BMS1: variants seen among roughly 807,000 people sequenced by gnomAD.
BMS1 encodes the protein BMS1 ribosome biogenesis factor.
A neutral mutation model predicts 138.7 loss-of-function variants in BMS1; 53 were observed. The ratio of observed to expected loss-of-function variants is 0.38; its 90% CI spans 0.31 to 0.48. BMS1 has a LOEUF of 0.48. Ranked by LOEUF, BMS1 falls within the 20% of genes least tolerant of loss-of-function variation. The probability of loss-of-function intolerance (pLI) is 0.97; values close to 1 mark genes in which losing one functional copy is unlikely to be tolerated. For missense variants in BMS1, 1,360 were observed against 1,565.5 expected, an observed-to-expected ratio of 0.87 and a Z score of 2.22; for synonymous variants, 504 against 539.9, an observed-to-expected ratio of 0.93 and a Z score of 0.92.
intron 5 of BMS1, among the ~76,000 whole-genome samples, chr10:42,790,973 T>C (rs1356349863): frequency 1.3e-5 from 2 of 152,216 alleles, no homozygotes; most frequent in Non-Finnish European, 2.9e-5. Flanking sequence ...GTGTTCACAG[T>C]CTATGGACTG....
chr10:42,793,577 GAA>G (rs1304388529), intron 8 of BMS1, among the ~76,000 whole-genome samples: 1 of 152,154 alleles, frequency 6.6e-6, no homozygotes, highest in African/African-American at 2.4e-5. Flanking sequence ...TAAAATATTA[GAA>G]AAGCTAGCAT....
At chr10:42,785,916 A>G (rs1841313273) in intron 3 of BMS1, among the ~76,000 whole-genome samples, 1 of 152,158 alleles carries the variant, frequency 6.6e-6, no homozygotes, top group African/African-American at 2.4e-5. Flanking sequence ...AAGATACTCG[A>G]ACCCAGCACT....
chr10:42,804,219 C>G (rs1359534128), intron 13 of BMS1, among the ~76,000 whole-genome samples: 1 of 152,166 alleles, frequency 6.6e-6, no homozygotes, highest in Non-Finnish European at 1.5e-5. Flanking sequence ...ATGTGAACCA[C>G]CGCTTTTATT....
At chr10:42,793,176 C>G (rs781327864) in intron 8 of BMS1, 32 bp downstream of exon 8, 146 of 1,545,020 alleles carry the variant, frequency 9.4e-5, no homozygotes, top group African/African-American at 9.4e-4. Flanking sequence ...TTTCTCTGAA[C>G]TTTCAGTATT....
In BMS1 at chr10:42,831,142, G is replaced by A; in HGVS notation, c.*46G>A. The A allele has an allele frequency of 6.6e-7, 1 of 1,512,318 alleles. No homozygotes were observed. Among genetic ancestry groups the A allele is most frequent in the Non-Finnish European group, 8.9e-7 (1 of 1,123,096 alleles). The allele number at this position is 1,512,318 out of a possible 1,614,324, so 93.7% of individuals were successfully genotyped here. On this transcript the variant is annotated 3_prime_UTR_variant, in exon 23 of 23. Coordinates refer to ENST00000374518, the MANE Select transcript of BMS1 (RefSeq NM_014753.4). ...GTCCCTGGATCTGCGGAGGTAGACA[G>A]TTTCAAACATCACAGTTTGAATGCC...
intron 13 of BMS1, among the ~76,000 whole-genome samples, chr10:42,811,413 A>G (rs1478473517): frequency 1.3e-5 from 2 of 148,556 alleles, no homozygotes; most frequent in African/African-American, 5.0e-5. Context: ...GAAATTTCTT[A>G]GGTTATTGGT....
At chr10:42,789,581 G>T (rs554989245) in intron 4 of BMS1, among the ~76,000 whole-genome samples, 2 of 135,784 alleles carry the variant, frequency 1.5e-5, no homozygotes, top group Admixed American at 1.5e-4. Context: ...ACCATTCATC[G>T]TAATCTTACT....
chr10:42,784,634 C>T (rs1841267830), intron 2 of BMS1, 64 bp downstream of exon 2: 1 of 1,519,466 alleles, frequency 6.6e-7, no homozygotes, highest in African/African-American at 1.4e-5. Flanking sequence ...AGGAGCCTCT[C>T]ACAGGTGACA....
rs189311375 is a variant in BMS1 at position 42,800,996 on chromosome 10, T to C, written c.2248-1141T>C. ...CCCACCTGTGGCCTGTAAGAGTCTG[T>C]GCACACCAGCTCCTGAGTCCTTATG... On this transcript the variant is annotated intron_variant, in intron 12 of 22. Coordinates refer to ENST00000374518, the MANE Select transcript of BMS1 (RefSeq NM_014753.4). 7.6e-3 allele frequency among the ~76,000 whole-genome samples: 1,154 copies of C among 152,334 alleles called. 17 individuals are homozygous for C. The highest frequency in any genetic ancestry group is 0.024 in the African/African-American group (1,000 of 41,562).
At chr10:42,792,840 T>A (rs1417762170) in intron 7 of BMS1, 117 bp from the exon 8 acceptor site, 5 of 1,337,038 alleles carry the variant, frequency 3.7e-6, no homozygotes, top group Non-Finnish European at 2.0e-6. Flanking sequence ...CACAATGCCC[T>A]TCTTTAGTGT....
At chr10:42,817,544 G>T in intron 15 of BMS1, 50 bp downstream of exon 15, 1 of 1,536,690 alleles carries the variant, frequency 6.5e-7, no homozygotes, top group Non-Finnish European at 8.7e-7. Context: ...ATCATATAGC[G>T]CAGGAATCCC....
chr10:42,816,734 G>A, intron 14 of BMS1, 62 bp downstream of exon 14: 1 of 1,356,126 alleles, frequency 7.4e-7, no homozygotes, highest in Non-Finnish European at 1.0e-6. Context: ...CCCACATTGA[G>A]AAATGCAAAT....
intron 13 of BMS1, among the ~76,000 whole-genome samples, chr10:42,804,680 T>C (rs1841964303): frequency 6.6e-6 from 1 of 152,108 alleles, no homozygotes; most frequent in Non-Finnish European, 1.5e-5. Flanking sequence ...ATAGTGTTTT[T>C]CACAGAGCAA....
At chr10:42,804,122 T>C (rs1841949140) in intron 13 of BMS1, among the ~76,000 whole-genome samples, 1 of 152,242 alleles carries the variant, frequency 6.6e-6, no homozygotes, top group Non-Finnish European at 1.5e-5. Context: ...TAGCAATTTA[T>C]TTATCTGTTA....
intron 13 of BMS1, among the ~76,000 whole-genome samples, chr10:42,813,972 A>G (rs1397592338): frequency 1.3e-5 from 2 of 152,008 alleles, no homozygotes; most frequent in African/African-American, 4.8e-5. Flanking sequence ...AGCACTTGAA[A>G]ATGTTGTGCC....
intron 4 of BMS1, among the ~76,000 whole-genome samples, chr10:42,788,583 T>G (rs1841409522): frequency 1.3e-5 from 2 of 152,050 alleles, no homozygotes; most frequent in African/African-American, 4.8e-5. Flanking sequence ...ACACCAGAAT[T>G]TATTCTAACT....
rs959224116 is a variant in BMS1, at chr10:42,820,224, C to G, written c.2581-12C>G. 1.9e-6 allele frequency: 3 copies of G among 1,606,930 alleles called. No individual in the cohort carries two copies. In the African/African-American group the frequency reaches 4.0e-5, roughly 22 times the overall value. ...ACAGCATACAGGTTTTTTTATTCCCCATCATGTACAGCTGAATCGCGCAGA... is the reference window on the plus strand; with the variant it reads ...ACAGCATACAGGTTTTTTTATTCCCGATCATGTACAGCTGAATCGCGCAGA... On this transcript the variant is annotated splice_polypyrimidine_tract_variant and intron_variant, in intron 15 of 22. Transcript: ENST00000374518.
intron 9 of BMS1, 66 bp from the exon 10 acceptor site, chr10:42,796,408 T>C: frequency 6.8e-7 from 1 of 1,473,582 alleles, no homozygotes; most frequent in African/African-American, 1.4e-5. Context: ...ATTGACTATA[T>C]TGCCATTTCT....
chr10:42,818,639 TG>T (rs1842417480), intron 15 of BMS1, among the ~76,000 whole-genome samples: 2 of 152,256 alleles, frequency 1.3e-5, no homozygotes, highest in South Asian at 4.2e-4. Context: ...GATGCAGTTT[TG>T]GGAAGATGAT....
Sources: allele counts gnomAD v4.1 joint callset (sites outside exome capture counted in the v4.1 genomes callset), GRCh38; gene constraint gnomAD v4.1.1; transcripts MANE v1.5; gene names NCBI Gene and HGNC (gene_info 2026-07-23, HGNC 2026-07-21).